The following PRAG1 variants were observed in gnomAD, a reference collection of about 807,000 sequenced individuals.
PRAG1 encodes PEAK1 related, kinase-activating pseudokinase 1, also known as inactive tyrosine-protein kinase PRAG1.
In PRAG1, 110 loss-of-function variants were observed where a neutral mutation model predicts 95.6. That is an observed-to-expected ratio of 1.15 (90% CI 0.99 to 1.35). PRAG1 has a LOEUF of 1.35. PRAG1 is among the 40% of genes most tolerant of loss of function. PRAG1 has a pLI of 0.00. For missense variants in PRAG1, 2,554 were observed against 1,864.7 expected (o/e 1.37, Z -6.81); for synonymous variants, 1,052 against 819.4 (o/e 1.28, Z -4.85).
intron 4 of PRAG1, among the ~76,000 whole-genome samples, chr8:8,339,265 T>G (rs930794843): frequency 2.0e-5 from 3 of 152,336 alleles, no homozygotes; most frequent in African/African-American, 7.2e-5. Context: ...GTCCACACTC[T>G]TATAATTTGG....
chr8:8,348,779 G>T (rs1056614959), intron 3 of PRAG1, among the ~76,000 whole-genome samples: 1 of 152,212 alleles, frequency 6.6e-6, no homozygotes, highest in East Asian at 1.9e-4. Context: ...ACATCACTGA[G>T]AATTTGGTTA....
intron 3 of PRAG1, among the ~76,000 whole-genome samples, chr8:8,342,388 G>A (rs1799200182): frequency 6.6e-6 from 1 of 151,730 alleles, no homozygotes; most frequent in Non-Finnish European, 1.5e-5. Context: ...AGTAGAGACG[G>A]GGTTTCACCG....
chr8:8,361,009 TC>T (rs1334600507), intron 3 of PRAG1, among the ~76,000 whole-genome samples: 3 of 152,190 alleles, frequency 2.0e-5, no homozygotes, highest in African/African-American at 7.2e-5. Flanking sequence ...AAAGAGGATA[TC>T]CAGGATGGAA....
rs1372485298 is a variant in PRAG1, at chr8:8,377,835, T to C, written c.574A>G (p.Lys192Glu). 2 of 1,614,046 alleles carry C rather than the reference T, an allele frequency of 1.2e-6. No individual in the cohort carries two copies. Among genetic ancestry groups the C allele is most frequent in the Non-Finnish European group, 8.5e-7 (1 of 1,180,020 alleles). Reference sequence around the variant, plus strand: ...CGGTCTTGGTAAGGAAATGAGGGTTTTTCTTTGTGCACAGCCTTCTCCTCC... The same window carrying C: ...CGGTCTTGGTAAGGAAATGAGGGTTCTTCTTTGTGCACAGCCTTCTCCTCC... ...FPEEKAVHKEKPSFPYQDRPS... is the reference protein window; with the variant it reads ...FPEEKAVHKEEPSFPYQDRPS... Residue 192 changes from lysine to glutamate, a missense_variant, in exon 3 of 6, where the codon AAA (lysine) becomes GAA (glutamate). Physicochemically the swap from Lys to Glu is moderately conservative, Grantham distance 56 (BLOSUM62 1). Coordinates refer to ENST00000615670, the MANE Select transcript of PRAG1 (RefSeq NM_001080826.3).
intron 3 of PRAG1, among the ~76,000 whole-genome samples, chr8:8,350,648 G>T (rs796875154): frequency 3.9e-5 from 6 of 152,276 alleles, no homozygotes; most frequent in African/African-American, 1.4e-4. Flanking sequence ...GAGTCACCAA[G>T]GATGGCCAAT....
intron 3 of PRAG1, among the ~76,000 whole-genome samples, chr8:8,357,127 T>A (rs1054311640): frequency 2.0e-5 from 3 of 152,212 alleles, no homozygotes; most frequent in African/African-American, 7.2e-5. Context: ...GATTTGGCAA[T>A]GATTTCTTGG....
intron 3 of PRAG1, among the ~76,000 whole-genome samples, chr8:8,363,579 T>C (rs1799913109): frequency 6.6e-6 from 1 of 152,194 alleles, no homozygotes; most frequent in African/African-American, 2.4e-5. Flanking sequence ...AAACAGGAAG[T>C]TGTTTAAAGG....
intron 5 of PRAG1, among the ~76,000 whole-genome samples, chr8:8,325,635 G>A (rs1046051074): frequency 6.6e-6 from 1 of 152,194 alleles, no homozygotes; most frequent in Non-Finnish European, 1.5e-5. Context: ...CTGTGGCGGG[G>A]CACGGTGGCT....
At chr8:8,321,039 G>C (rs1360246619) in intron 5 of PRAG1, among the ~76,000 whole-genome samples, 2 of 152,220 alleles carry the variant, frequency 1.3e-5, no homozygotes, top group African/African-American at 4.8e-5. Context: ...AAATGATTTT[G>C]AAATACATGC....
rs141312933 is a variant in PRAG1, at chr8:8,364,643, A to T, written c.2162+11604T>A. Among the ~76,000 whole-genome samples, 246 of 149,898 alleles carry T rather than the reference A, an allele frequency of 1.6e-3. 1 individual carries two copies. Among genetic ancestry groups the T allele is most frequent in the South Asian group, 3.4e-3 (16 of 4,774 alleles). ...TCCACTTTTACATACACTATATGAC[A>T]CTATATGGCAGGATTTCAATGTTGT... On this transcript the variant is annotated intron_variant, in intron 3 of 5. Coordinates refer to ENST00000615670, the MANE Select transcript of PRAG1 (RefSeq NM_001080826.3).
chr8:8,342,066 G>A (rs1024274838), intron 3 of PRAG1, among the ~76,000 whole-genome samples: 5 of 152,088 alleles, frequency 3.3e-5, no homozygotes, highest in African/African-American at 1.2e-4. Flanking sequence ...AGGAGGCGGA[G>A]GTTGCAGTGA....
In PRAG1 at chr8:8,378,019, G is replaced by C. The variant is rs199751798; in HGVS notation, c.390C>G (p.Val130=). Residue 130 remains valine (V), a synonymous_variant, in exon 3 of 6, where the codon GTC becomes GTG. Coordinates refer to ENST00000615670, the MANE Select transcript of PRAG1 (RefSeq NM_001080826.3). ...LPLPKQEDAP[V]VYLGSFRGVQ... Reference sequence around the variant, plus strand: ...CACCTCGGAAGCTGCCCAGGTAGACGACGGGGGCATCCTCCTGCTTCGGGA... The same window carrying C: ...CACCTCGGAAGCTGCCCAGGTAGACCACGGGGGCATCCTCCTGCTTCGGGA... The C allele has an allele frequency of 1.1e-4, 168 of 1,582,462 alleles. No homozygotes were observed. Among genetic ancestry groups the C allele is most frequent in the Non-Finnish European group, 1.4e-4 (164 of 1,163,028 alleles).
intron 5 of PRAG1, among the ~76,000 whole-genome samples, chr8:8,322,246 T>C (rs916674761): frequency 4.6e-5 from 7 of 152,276 alleles, no homozygotes; most frequent in South Asian, 2.1e-4. Context: ...AGTGGCACGA[T>C]CTCGGCTCAC....
At chr8:8,322,383 T>C (rs954981482) in intron 5 of PRAG1, among the ~76,000 whole-genome samples, 1 of 152,154 alleles carries the variant, frequency 6.6e-6, no homozygotes, top group Non-Finnish European at 1.5e-5. Flanking sequence ...GGTTTCACCA[T>C]GTTGCCCAGG....
chr8:8,320,343 C>G (rs1798434241), intron 5 of PRAG1, among the ~76,000 whole-genome samples: 1 of 152,156 alleles, frequency 6.6e-6, no homozygotes, highest in South Asian at 2.1e-4. Flanking sequence ...TGGAAGGTCT[C>G]AGGCTTCTCT....
intron 3 of PRAG1, among the ~76,000 whole-genome samples, chr8:8,367,458 C>CAAAAAAAAAAAAAAA (rs1158165514): frequency 3.8e-5 from 1 of 26,218 alleles, no homozygotes; most frequent in Non-Finnish European, 6.4e-5. Context: ...GACTCCATCT[C>CAAAAAAAAAAAAAAA]AAAAAAAAAA....
rs527522954 is a variant in PRAG1 at position 8,337,691 on chromosome 8, G to A, written c.2320+1787C>T. On this transcript the variant is annotated intron_variant, in intron 4 of 5. Transcript: ENST00000615670. The stretch of plus-strand genomic sequence containing the variant: ...CATTTCTACTGAACAACTAGCTTGT[G>A]ATAAAGGAATACCACGACAATATAT... 1.5e-4 allele frequency among the ~76,000 whole-genome samples: 23 copies of A among 152,270 alleles called. No homozygotes were observed. The South Asian group carries it at 4.6e-3, about 30-fold the overall frequency.
At chr8:8,332,989 G>A (rs979217813) in intron 4 of PRAG1, among the ~76,000 whole-genome samples, 1 of 152,188 alleles carries the variant, frequency 6.6e-6, no homozygotes, top group Non-Finnish European at 1.5e-5. Flanking sequence ...GAGTTCACAG[G>A]CAAACCACTG....
intron 4 of PRAG1, among the ~76,000 whole-genome samples, chr8:8,337,375 C>T (rs570103002): frequency 9.9e-5 from 15 of 152,144 alleles, no homozygotes; most frequent in African/African-American, 3.1e-4. Flanking sequence ...CCTTGGTAAG[C>T]GGTGAGAAGT....
Sources: allele counts gnomAD v4.1 joint callset (sites outside exome capture counted in the v4.1 genomes callset), GRCh38; gene constraint gnomAD v4.1.1; transcripts MANE v1.5; gene names NCBI Gene and HGNC (gene_info 2026-07-23, HGNC 2026-07-21).